PTPRG: variants seen among roughly 807,000 people sequenced by gnomAD.
PTPRG encodes the protein receptor-type tyrosine-protein phosphatase gamma.
A neutral mutation model predicts 165.3 loss-of-function variants in PTPRG; 102 were observed. That is an observed-to-expected ratio of 0.62 (90% CI 0.53 to 0.73). PTPRG has a LOEUF of 0.73. PTPRG is among the 30% of genes least tolerant of loss of function. PTPRG has a pLI of 0.00. For synonymous variants in PTPRG, 675 were observed against 669.5 expected, an observed-to-expected ratio of 1.01 and a Z score of -0.13; for missense variants, 1,866 against 1,861.4, an observed-to-expected ratio of 1.00 and a Z score of -0.05.
chr3:61,863,947 C>T (rs1335481647), intron 2 of PTPRG, among the ~76,000 whole-genome samples: 1 of 152,158 alleles, frequency 6.6e-6, no homozygotes, highest in East Asian at 1.9e-4. Context: ...ACAAGTTACC[C>T]AAGGTTAAGT....
At chr3:62,150,811 T>G (rs966927602) in intron 6 of PTPRG, among the ~76,000 whole-genome samples, 20 of 152,224 alleles carry the variant, frequency 1.3e-4, no homozygotes, top group African/African-American at 4.6e-4. Context: ...CCCTAGAAAC[T>G]ACCACATCCT....
At chr3:61,787,216 G>A (rs1344136934) in intron 2 of PTPRG, among the ~76,000 whole-genome samples, 1 of 152,148 alleles carries the variant, frequency 6.6e-6, no homozygotes, top group Non-Finnish European at 1.5e-5. Flanking sequence ...GATAAAGAAG[G>A]AATTATGGTG....
At chr3:62,000,010 C>A (rs141090076) in intron 3 of PTPRG, among the ~76,000 whole-genome samples, 1 of 152,138 alleles carries the variant, frequency 6.6e-6, no homozygotes, top group Non-Finnish European at 1.5e-5. Context: ...GATCTCCCCC[C>A]CAGGCCCGGG....
chr3:62,082,533 G>A (rs1469007059), intron 5 of PTPRG, among the ~76,000 whole-genome samples: 1 of 152,192 alleles, frequency 6.6e-6, no homozygotes, highest in African/African-American at 2.4e-5. Flanking sequence ...AGCAGTAATC[G>A]AGATGTGTCT....
chr3:61,854,707 T>C (rs372782310), intron 2 of PTPRG, among the ~76,000 whole-genome samples: 29 of 152,288 alleles, frequency 1.9e-4, no homozygotes, highest in African/African-American at 7.0e-4. Flanking sequence ...AGCAGTCTCA[T>C]GTGAGTGGGC....
At chr3:61,708,443 CTTTTTTTTT>C (rs61136954) in intron 1 of PTPRG, among the ~76,000 whole-genome samples, 5 of 75,908 alleles carry the variant, frequency 6.6e-5, no homozygotes, top group African/African-American at 1.7e-4. Flanking sequence ...CTCTGCAAAT[CTTTTTTTTT>C]TTTTTTTTTT....
At chr3:62,130,413 A>G (rs1404893531) in intron 5 of PTPRG, among the ~76,000 whole-genome samples, 5 of 152,210 alleles carry the variant, frequency 3.3e-5, no homozygotes. Context: ...AGAATGGAAT[A>G]ATTGGTGTAC....
rs547699847 is a variant in PTPRG at position 62,271,694 on chromosome 3, T to C, written c.3182+139T>C. 5.9e-5 allele frequency: 41 copies of C among 696,310 alleles called. No homozygotes were observed. The African/African-American group carries it at 6.2e-4, about 11-fold the overall frequency. The allele number at this position is 696,310 out of a possible 1,614,324, so 43.1% of individuals were successfully genotyped here. A position where few individuals can be genotyped will look rare whatever the true frequency, so the allele number is the denominator to read the frequency against. On this transcript the variant is annotated intron_variant, in intron 21 of 29. Coordinates refer to ENST00000474889, the MANE Select transcript of PTPRG (RefSeq NM_002841.4). This position sits in a 1 kb window ranked among gnomAD's most constrained non-coding sequence, Gnocchi z 4.1. ...AAACTGGGATGGATAAGACCTATGA[T>C]AGTCTTAAAGAGGCTCTATTCCTGT...
intron 2 of PTPRG, among the ~76,000 whole-genome samples, chr3:61,830,860 C>T (rs1220043976): frequency 1.3e-5 from 2 of 152,184 alleles, no homozygotes; most frequent in African/African-American, 4.8e-5. Flanking sequence ...AGGCATGGGC[C>T]ACTGCGCCCT....
intron 10 of PTPRG, among the ~76,000 whole-genome samples, chr3:62,197,368 C>G (rs1374211734): frequency 6.6e-6 from 1 of 152,192 alleles, no homozygotes; most frequent in Non-Finnish European, 1.5e-5. Flanking sequence ...GCAAGGATCC[C>G]TTCTGGCTTG....
At chr3:61,770,922 A>T (rs1001995372) in intron 2 of PTPRG, 1 of 151,964 alleles carries the variant, frequency 6.6e-6, no homozygotes, top group Admixed American at 6.6e-5. Flanking sequence ...GGACTTCTTA[A>T]TTCTTTCTGG....
chr3:61,689,547 C>G (rs2030019770), intron 1 of PTPRG, among the ~76,000 whole-genome samples: 1 of 152,188 alleles, frequency 6.6e-6, no homozygotes, highest in Admixed American at 6.5e-5. Context: ...GGCTATGTGG[C>G]TGCTTATGTG....
chr3:62,197,470 A>AT (rs1229469261), intron 10 of PTPRG, among the ~76,000 whole-genome samples: 1 of 152,122 alleles, frequency 6.6e-6, no homozygotes, highest in Non-Finnish European at 1.5e-5. Context: ...GCATAGCTGC[A>AT]TTTTTTTCCA....
At chr3:62,055,777 G>T (rs142745771) in intron 4 of PTPRG, among the ~76,000 whole-genome samples, 1 of 152,054 alleles carries the variant, frequency 6.6e-6, no homozygotes, top group African/African-American at 2.4e-5. Context: ...TCTTTGTGTG[G>T]CATTCTCCTT....
intron 4 of PTPRG, among the ~76,000 whole-genome samples, chr3:62,049,666 T>C (rs1455889728): frequency 6.6e-6 from 1 of 152,178 alleles, no homozygotes; most frequent in African/African-American, 2.4e-5. Context: ...AATATGTTGA[T>C]GGGAACATTT....
Position 61,587,495 on chromosome 3 carries a change from G to C in PTPRG, c.85+25123G>C, listed in dbSNP as rs114694640. On this transcript the variant is annotated intron_variant, in intron 1 of 29. Transcript: ENST00000474889. ...CTTGAAGATGTGTTTCCTCAAAACAGGGACTTTCTCTTGCTTAAGTATAAT... is the reference window on the plus strand; with the variant it reads ...CTTGAAGATGTGTTTCCTCAAAACACGGACTTTCTCTTGCTTAAGTATAAT... Among the ~76,000 whole-genome samples the C allele has an allele frequency of 5.3e-3, 804 of 152,152 alleles. 3 individuals carry two copies. Among genetic ancestry groups the C allele is most frequent in the African/African-American group, 0.019 (768 of 41,482 alleles).
intron 4 of PTPRG, among the ~76,000 whole-genome samples, chr3:62,036,985 A>ACG (rs1006068963): frequency 5.4e-4 from 48 of 89,488 alleles, no homozygotes; most frequent in African/African-American, 1.5e-3. Context: ...GCGCGCACGC[A>ACG]CACACACACA....
intron 1 of PTPRG, among the ~76,000 whole-genome samples, chr3:61,647,974 T>C (rs1575562064): frequency 1.3e-5 from 2 of 152,100 alleles, no homozygotes; most frequent in African/African-American, 4.8e-5. Flanking sequence ...GACACTCCCT[T>C]GTACCCATCC....
In PTPRG at chr3:62,070,487, T is replaced by C. The variant is rs190203163; in HGVS notation, c.520-7676T>C. ...TTTATTCATTCCAGAAATAAATTAC[T>C]AGTATTTACAATGGGCAGCACTGTG... On this transcript the variant is annotated intron_variant, in intron 4 of 29. Coordinates refer to ENST00000474889, the MANE Select transcript of PTPRG (RefSeq NM_002841.4). 2.6e-3 allele frequency among the ~76,000 whole-genome samples: 400 copies of C among 152,350 alleles called. 2 individuals carry two copies. Among genetic ancestry groups the C allele is most frequent in the African/African-American group, 9.4e-3 (391 of 41,580 alleles).
Sources: allele counts gnomAD v4.1 joint callset (sites outside exome capture counted in the v4.1 genomes callset), GRCh38; gene constraint gnomAD v4.1.1; non-coding constraint Gnocchi (gnomAD v3.1); transcripts MANE v1.5; gene names NCBI Gene and HGNC (gene_info 2026-07-23, HGNC 2026-07-21).